The following DPP10 variants were observed in gnomAD, a reference collection of about 807,000 sequenced individuals.
DPP10 encodes inactive dipeptidyl peptidase 10.
DPP10 carries 33 observed loss-of-function variants against 120.9 expected under a neutral mutation model. That is an observed-to-expected ratio of 0.27 (90% confidence interval 0.21 to 0.37). The LOEUF (loss-of-function observed/expected upper bound fraction) is 0.37. DPP10 is among the 10% of genes least tolerant of loss of function. DPP10 has a pLI of 1.00. For synonymous variants in DPP10, 337 were observed against 326.1 expected, an observed-to-expected ratio of 1.03 and a Z score of -0.36; for missense variants, 816 against 942.8, an observed-to-expected ratio of 0.87 and a Z score of 1.76.
intron 1 of DPP10, among the ~76,000 whole-genome samples, chr2:114,744,599 C>A (rs1000539391): frequency 6.6e-6 from 1 of 152,074 alleles, no homozygotes; most frequent in African/African-American, 2.4e-5. Context: ...GGCAGTTATG[C>A]GGAGAATGCA....
At chr2:115,552,662 T>C (rs1325183216) in intron 5 of DPP10, among the ~76,000 whole-genome samples, 1 of 152,068 alleles carries the variant, frequency 6.6e-6, no homozygotes, top group African/African-American at 2.4e-5. Context: ...AAATGTGTTT[T>C]TGTTGACATA....
intron 1 of DPP10, among the ~76,000 whole-genome samples, chr2:115,208,028 A>G (rs2056265750): frequency 6.6e-6 from 1 of 152,154 alleles, no homozygotes; most frequent in Non-Finnish European, 1.5e-5. Context: ...GGACGATAGC[A>G]TTTTAGAGCT....
intron 1 of DPP10, among the ~76,000 whole-genome samples, chr2:114,643,529 C>G (rs1394770251): frequency 4.6e-5 from 7 of 151,816 alleles, no homozygotes; most frequent in African/African-American, 1.5e-4. Context: ...TTCTGCTAAG[C>G]CTTCCATAGC....
At chr2:114,958,041 C>T (rs1180226775) in intron 1 of DPP10, among the ~76,000 whole-genome samples, 1 of 152,128 alleles carries the variant, frequency 6.6e-6, no homozygotes, top group East Asian at 1.9e-4. Context: ...GAGCAATGAA[C>T]AGTTTGCAAG....
At chr2:114,443,013 G>T (rs1257871658) in intron 1 of DPP10, among the ~76,000 whole-genome samples, 175 bp downstream of exon 1, 2 of 151,898 alleles carry the variant, frequency 1.3e-5, no homozygotes, top group African/African-American at 4.8e-5. Flanking sequence ...AGACTGGAAA[G>T]AATAGTTTCC....
chr2:115,101,863 C>T (rs766217232), intron 1 of DPP10, among the ~76,000 whole-genome samples: 3 of 152,128 alleles, frequency 2.0e-5, no homozygotes, highest in Non-Finnish European at 4.4e-5. Flanking sequence ...TCAGTTAATA[C>T]GAGGTTATCA....
chr2:114,686,988 A>G (rs1299545592), intron 1 of DPP10, among the ~76,000 whole-genome samples: 1 of 151,980 alleles, frequency 6.6e-6, no homozygotes, highest in Non-Finnish European at 1.5e-5. Flanking sequence ...CTTGCAATAT[A>G]TGAACAAAAT....
intron 2 of DPP10, among the ~76,000 whole-genome samples, chr2:115,329,126 C>G (rs1574441283): frequency 1.3e-5 from 2 of 151,992 alleles, no homozygotes; most frequent in East Asian, 3.9e-4. Flanking sequence ...GAAAAAAGAG[C>G]AGAGTTTTGT....
chr2:115,589,973 A>G (rs1018968138), intron 5 of DPP10, among the ~76,000 whole-genome samples: 8 of 152,084 alleles, frequency 5.3e-5, no homozygotes, highest in African/African-American at 1.4e-4. Context: ...TCTTTTCATT[A>G]TCTAACCCTC....
chr2:115,006,220 T>C (rs143336030), intron 1 of DPP10, among the ~76,000 whole-genome samples: 80,737 of 151,588 alleles, frequency 0.53, 22,367 homozygotes, highest in East Asian at 0.65. Flanking sequence ...GAAGGAAGCA[T>C]TAAACATGGA....
chr2:114,958,857 T>A (rs1437212986), intron 1 of DPP10, among the ~76,000 whole-genome samples: 3 of 152,158 alleles, frequency 2.0e-5, no homozygotes, highest in African/African-American at 7.2e-5. Context: ...AAATTTGTGT[T>A]ATATACAAGG....
intron 5 of DPP10, among the ~76,000 whole-genome samples, chr2:115,600,088 G>A (rs979918725): frequency 3.3e-5 from 5 of 151,906 alleles, no homozygotes; most frequent in African/African-American, 4.8e-5. Context: ...TTTTTTTGAT[G>A]AGAAGTCATT....
chr2:115,496,038 A>T (rs948247785), intron 3 of DPP10, among the ~76,000 whole-genome samples: 2 of 152,184 alleles, frequency 1.3e-5, no homozygotes, highest in Non-Finnish European at 2.9e-5. Flanking sequence ...TTAGAAATGT[A>T]GTTCCAGAAT....
At chr2:115,451,494 A>G (rs2073104256) in intron 3 of DPP10, among the ~76,000 whole-genome samples, 1 of 151,902 alleles carries the variant, frequency 6.6e-6, no homozygotes, top group African/African-American at 2.4e-5. Flanking sequence ...TTATGTGATG[A>G]AATGTTTGTA....
chr2:115,186,960 A>G (rs2054485314), intron 1 of DPP10, among the ~76,000 whole-genome samples: 1 of 149,978 alleles, frequency 6.7e-6, no homozygotes, highest in Non-Finnish European at 1.5e-5. Flanking sequence ...GACTCAAATC[A>G]TGGTCCACAA....
chr2:114,993,576 G>GTATATATATATATA (rs1395583474), intron 1 of DPP10, among the ~76,000 whole-genome samples: 58 of 37,576 alleles, frequency 1.5e-3, no homozygotes, highest in Non-Finnish European at 2.8e-3. Flanking sequence ...GTGTGTGTGT[G>GTATATATATATATA]TGTGTATATA....
chr2:115,745,716 A>G (rs1677879144), intron 9 of DPP10, among the ~76,000 whole-genome samples: 1 of 148,786 alleles, frequency 6.7e-6, no homozygotes, highest in Non-Finnish European at 1.5e-5. Context: ...TTCCCATTGC[A>G]TTTCATATCC....
chr2:115,273,935 A>C (rs2059806053), intron 1 of DPP10, among the ~76,000 whole-genome samples: 2 of 152,002 alleles, frequency 1.3e-5, no homozygotes, highest in South Asian at 4.2e-4. Flanking sequence ...GAGTTAGCCC[A>C]CTCGTAGCCG....
chr2:115,321,286 A>G (rs1215779679), intron 2 of DPP10, among the ~76,000 whole-genome samples: 1 of 152,130 alleles, frequency 6.6e-6, no homozygotes, highest in Non-Finnish European at 1.5e-5. Context: ...GGGCAACAAG[A>G]GTGAAACCCC....
Sources: allele counts gnomAD v4.1 joint callset (sites outside exome capture counted in the v4.1 genomes callset), GRCh38; gene constraint gnomAD v4.1.1; transcripts MANE v1.5; gene names NCBI Gene and HGNC (gene_info 2026-07-23, HGNC 2026-07-21).